OPA1: variants seen among roughly 807,000 people sequenced by gnomAD.
The protein encoded by OPA1 is OPA1 mitochondrial dynamin like GTPase, also known as dynamin-like GTPase OPA1, mitochondrial.
In OPA1, 59 loss-of-function variants were observed where a neutral mutation model predicts 152.9. The observed-to-expected ratio is 0.39, with a 90% CI of 0.31 to 0.48. The LOEUF is 0.48. Ranked by LOEUF, OPA1 falls within the 20% of genes least tolerant of loss-of-function variation. OPA1 has a pLI of 0.96. For synonymous variants in OPA1, 400 were observed against 389.9 expected, an observed-to-expected ratio of 1.03 and a Z score of -0.31; for missense variants, 1,008 against 1,216.8, an observed-to-expected ratio of 0.83 and a Z score of 2.55.
At chr3:193,637,153 A>T (rs1339026147) in intron 9 of OPA1, 42 bp from the exon 10 acceptor site, 1 of 1,095,298 alleles carries the variant, frequency 9.1e-7, no homozygotes, top group Admixed American at 2.0e-5. Context: ...TTTTTTCTTT[A>T]CTTTTACTGT....
At chr3:193,633,895 A>C (rs775414722) in intron 8 of OPA1, among the ~76,000 whole-genome samples, 1 of 152,202 alleles carries the variant, frequency 6.6e-6, no homozygotes, top group Non-Finnish European at 1.5e-5. Flanking sequence ...TACTAGATAT[A>C]AATGAGTGAG....
intron 19 of OPA1, 81 bp downstream of exon 19, chr3:193,647,261 C>T: frequency 1.2e-6 from 1 of 852,812 alleles, no homozygotes; most frequent in Non-Finnish European, 1.9e-6. Context: ...CGATTCTGTA[C>T]TTCTTTCCTT....
chr3:193,672,819 A>G (rs1299945923), intron 29 of OPA1, among the ~76,000 whole-genome samples: 11 of 151,746 alleles, frequency 7.2e-5, no homozygotes, highest in African/African-American at 2.7e-4. Flanking sequence ...CAGTGAGCCA[A>G]GACTGTGCCA....
chr3:193,652,875 G>T (rs1201612571), intron 21 of OPA1, among the ~76,000 whole-genome samples: 1 of 152,142 alleles, frequency 6.6e-6, no homozygotes, highest in African/African-American at 2.4e-5. Flanking sequence ...CCTCCCTTGA[G>T]AAAGTTGCCT....
intron 1 of OPA1, among the ~76,000 whole-genome samples, chr3:193,598,618 A>C (rs1408205264): frequency 6.6e-6 from 1 of 152,208 alleles, no homozygotes; most frequent in Non-Finnish European, 1.5e-5. Flanking sequence ...GAATGTTTGC[A>C]AAAGAGTTAT....
At chr3:193,607,357 A>G (rs1727450709) in intron 1 of OPA1, among the ~76,000 whole-genome samples, 1 of 152,214 alleles carries the variant, frequency 6.6e-6, no homozygotes, top group Non-Finnish European at 1.5e-5. Context: ...TATGTCCTGA[A>G]TGGTATTGCC....
At chr3:193,641,085 A>G (rs1027868189) in intron 11 of OPA1, among the ~76,000 whole-genome samples, 1 of 152,206 alleles carries the variant, frequency 6.6e-6, no homozygotes, top group African/African-American at 2.4e-5. Context: ...ACCTCAGACT[A>G]CACCTCATAT....
In OPA1 at chr3:193,657,095, C is replaced by G; in HGVS notation, c.2194C>G (p.Leu732Val). ...ATAATTATAGGTTGCTTGGGAGACC[C>G]TACAAGAAGAATTTTCCCGCTTTAT... Reference protein sequence around the residue: ...NKAVEVAWETLQEEFSRFMTE... With the variant: ...NKAVEVAWETVQEEFSRFMTE... The change falls in exon 23 of 31, where the codon CTA becomes GTA. Residue 732 changes from leucine to valine, a missense_variant. Around this residue, in one of 7 missense-constraint regions of OPA1, gnomAD observed 229 missense variants for 269.0 expected, o/e 0.85. Transcript: ENST00000361510. The G allele has an allele frequency of 3.7e-6, 6 of 1,613,094 alleles. No homozygotes were observed. In the South Asian group the frequency reaches 5.5e-5, roughly 15 times the overall value.
intron 1 of OPA1, among the ~76,000 whole-genome samples, chr3:193,606,530 C>T (rs1253287488): frequency 6.6e-6 from 1 of 150,668 alleles, no homozygotes; most frequent in East Asian, 2.0e-4. Flanking sequence ...GGTTTTTTGT[C>T]CTTGTGATAG....
At chr3:193,658,246 CAAAAA>C (rs10544016) in intron 23 of OPA1, among the ~76,000 whole-genome samples, 1 of 96,558 alleles carries the variant, frequency 1.0e-5, no homozygotes, top group Non-Finnish European at 2.2e-5. Flanking sequence ...ACTCCGTTTT[CAAAAA>C]AAAAAAAAAA....
chr3:193,622,130 C>A (rs1205628068), intron 6 of OPA1, among the ~76,000 whole-genome samples: 1 of 151,532 alleles, frequency 6.6e-6, no homozygotes, highest in African/African-American at 2.4e-5. Flanking sequence ...AGGACTTTTT[C>A]ATGGCCCAAA....
intron 30 of OPA1, 51 bp downstream of exon 30, chr3:193,692,183 ACTTTT>A: frequency 1.1e-6 from 1 of 946,526 alleles, no homozygotes; most frequent in Non-Finnish European, 1.7e-6. Flanking sequence ...ACAAAATTAC[ACTTTT>A]CTTAATAGTT....
chr3:193,672,956 T>G (rs1560056853), intron 29 of OPA1, among the ~76,000 whole-genome samples: 1 of 152,156 alleles, frequency 6.6e-6, no homozygotes, highest in Non-Finnish European at 1.5e-5. Flanking sequence ...GTGTAAAAAC[T>G]TGAAACTGTT....
At chr3:193,662,703 T>A (rs1226306685) in intron 25 of OPA1, 119 bp from the exon 26 acceptor site, 2 of 810,458 alleles carry the variant, frequency 2.5e-6, no homozygotes, top group East Asian at 5.3e-5. Context: ...TCTTGTTTGT[T>A]GTGATTAAGC....
At chr3:193,645,302 T>C (rs1361417062) in intron 16 of OPA1, among the ~76,000 whole-genome samples, 2 of 152,172 alleles carry the variant, frequency 1.3e-5, no homozygotes, top group Non-Finnish European at 2.9e-5. Context: ...CAAACTAAGG[T>C]CTGTCTGACT....
At chr3:193,644,502 T>C (rs1264494627) in intron 16 of OPA1, among the ~76,000 whole-genome samples, 1 of 152,204 alleles carries the variant, frequency 6.6e-6, no homozygotes, top group East Asian at 1.9e-4. Flanking sequence ...AGTGAGCCAC[T>C]GTTATATAAG....
chr3:193,620,969 T>C lies in OPA1; in HGVS notation c.678+2033T>C, dbSNP rs146562242. On this transcript the variant is annotated intron_variant, in intron 6 of 30. Transcript: ENST00000361510. Reference sequence around the variant, plus strand: ...CACTCTGACATCAAGTTTGAAAATGTGGGCAATAATCAGAGGTGGTAAGGT... The same window carrying C: ...CACTCTGACATCAAGTTTGAAAATGCGGGCAATAATCAGAGGTGGTAAGGT... Among the ~76,000 whole-genome samples, 685 of 152,346 alleles carry C rather than the reference T, an allele frequency of 4.5e-3. 4 individuals are homozygous for C. Among genetic ancestry groups the C allele is most frequent in the African/African-American group, 0.016 (657 of 41,592 alleles).
chr3:193,662,776 A>G lies in OPA1; in HGVS notation c.2521-46A>G, dbSNP rs368746456. The G allele has an allele frequency of 2.2e-5, 34 of 1,568,082 alleles. No homozygotes were observed. In the African/African-American group the frequency reaches 3.5e-4, roughly 16 times the overall value. ...AAATTGAGACTGTTTTTCAAGCACCAAATTATGAACCATCTAAACACAGTC... is the reference window on the plus strand; with the variant it reads ...AAATTGAGACTGTTTTTCAAGCACCGAATTATGAACCATCTAAACACAGTC... On this transcript the variant is annotated intron_variant, in intron 25 of 30. Coordinates refer to ENST00000361510, the MANE Select transcript of OPA1 (RefSeq NM_130837.3).
At chr3:193,653,047 A>G (rs927027996) in intron 21 of OPA1, among the ~76,000 whole-genome samples, 2 of 152,176 alleles carry the variant, frequency 1.3e-5, no homozygotes, top group Non-Finnish European at 2.9e-5. Flanking sequence ...CTTCAGTTCA[A>G]CTTTCAGTAA....
Sources: gnomAD v4.1 joint callset for allele counts (sites outside exome capture counted in the v4.1 genomes callset) on GRCh38, gnomAD v4.1.1 for gene constraint, gnomAD v4.1.1 regional missense constraint, MANE v1.5 for transcripts, NCBI Gene and HGNC (gene_info 2026-07-23, HGNC 2026-07-21) for gene names.